Variants in MEIKIN observed in about 807,000 individuals in gnomAD.
MEIKIN encodes the protein meiosis-specific kinetochore protein.
At chr5:131,893,733 C>T (rs1750981534) in intron 8 of MEIKIN, among the ~76,000 whole-genome samples, 1 of 152,122 alleles carries the variant, frequency 6.6e-6, no homozygotes, top group Admixed American at 6.5e-5. Flanking sequence ...ATCTTGGGTC[C>T]ACTCCATAAA....
intron 11 of MEIKIN, among the ~76,000 whole-genome samples, chr5:131,848,813 T>A (rs1284501839): frequency 1.3e-5 from 2 of 152,158 alleles, no homozygotes; most frequent in Non-Finnish European, 2.9e-5. Context: ...ATTAAAATTA[T>A]TATAGGCCAC....
At chr5:131,863,470 C>T (rs950229622) in intron 9 of MEIKIN, among the ~76,000 whole-genome samples, 2 of 150,704 alleles carry the variant, frequency 1.3e-5, no homozygotes, top group Non-Finnish European at 2.9e-5. Context: ...CATCTGAGTG[C>T]AGCATTGTTG....
At chr5:131,845,627 G>T (rs1750006005) in intron 11 of MEIKIN, among the ~76,000 whole-genome samples, 1 of 147,838 alleles carries the variant, frequency 6.8e-6, no homozygotes, top group African/African-American at 2.5e-5. Context: ...AAAAAATCTA[G>T]AGCTTAAAAG....
chr5:131,837,896 T>C (rs1282152096), intron 11 of MEIKIN, among the ~76,000 whole-genome samples: 1 of 152,158 alleles, frequency 6.6e-6, no homozygotes, highest in East Asian at 1.9e-4. Context: ...AATACTATAC[T>C]AAAGAGGAAT....
At chr5:131,897,872 G>T (rs1751080930) in intron 8 of MEIKIN, among the ~76,000 whole-genome samples, 1 of 152,116 alleles carries the variant, frequency 6.6e-6, no homozygotes, top group African/African-American at 2.4e-5. Flanking sequence ...AGAGAAGTTT[G>T]TTATTACCAA....
rs1751422948 is a variant in MEIKIN at position 131,916,923 on chromosome 5, T to C, written c.601A>G (p.Thr201Ala). 1 of 397,360 alleles carries C rather than the reference T, an allele frequency of 2.5e-6. No individual in the cohort carries two copies. Among genetic ancestry groups the C allele is most frequent in the African/African-American group, 2.1e-5 (1 of 48,590 alleles). The allele number at this position is 397,360 out of a possible 1,614,324, so 24.6% of individuals were successfully genotyped here. A position where few individuals can be genotyped will look rare whatever the true frequency, so the allele number is the denominator to read the frequency against. ...CATTTCTGATAGTCTTCTGAAGAGG[T>C]ACCTAGGAGAGAAAATAAAAACAAT... is the stretch of plus-strand genomic sequence containing the variant. ...QFSNVSAIFS[T>A]SSEDYQKCHR... is the part of the protein sequence containing the mutation. Residue 201 changes from threonine (T) to alanine (A), a missense_variant and splice_region_variant, in exon 7 of 13, where the codon ACC becomes GCC. By Grantham distance (58) the Thr-to-Ala change is moderately conservative (BLOSUM62 0). Coordinates refer to ENST00000442687, the MANE Select transcript of MEIKIN (RefSeq NM_001303622.2).
intron 4 of MEIKIN, among the ~76,000 whole-genome samples, chr5:131,936,791 G>A (rs779511606): frequency 2.0e-5 from 3 of 151,742 alleles, no homozygotes; most frequent in Non-Finnish European, 2.9e-5. Flanking sequence ...AGATGGTCTC[G>A]AACTCCTGAC....
intron 11 of MEIKIN, among the ~76,000 whole-genome samples, chr5:131,832,415 T>A (rs1364443299): frequency 6.6e-6 from 1 of 152,136 alleles, no homozygotes; most frequent in Non-Finnish European, 1.5e-5. Flanking sequence ...CTTTGCAGGG[T>A]ACAACCTCCC....
chr5:131,867,843 C>T (rs1219845211), intron 9 of MEIKIN, among the ~76,000 whole-genome samples: 1 of 152,198 alleles, frequency 6.6e-6, no homozygotes, highest in Non-Finnish European at 1.5e-5. Flanking sequence ...CGTTCAGGTG[C>T]ATACTTTGTG....
chr5:131,874,961 T>G (rs1334742786), intron 9 of MEIKIN, among the ~76,000 whole-genome samples: 1 of 152,186 alleles, frequency 6.6e-6, no homozygotes, highest in African/African-American at 2.4e-5. Flanking sequence ...TGCTAAAAAC[T>G]CTCAATAAAT....
intron 12 of MEIKIN, among the ~76,000 whole-genome samples, chr5:131,812,360 G>C (rs1772974269): frequency 6.6e-6 from 1 of 152,160 alleles, no homozygotes; most frequent in Admixed American, 6.5e-5. Flanking sequence ...GAACACTGAT[G>C]CTATTAATAT....
intron 10 of MEIKIN, among the ~76,000 whole-genome samples, chr5:131,852,499 C>G (rs777822360): frequency 2.0e-5 from 3 of 152,154 alleles, no homozygotes; most frequent in Non-Finnish European, 4.4e-5. Flanking sequence ...GAATGCAGTA[C>G]TGATACCTGC....
intron 5 of MEIKIN, among the ~76,000 whole-genome samples, chr5:131,930,737 T>C (rs992902726): frequency 6.6e-6 from 1 of 152,166 alleles, no homozygotes; most frequent in Non-Finnish European, 1.5e-5. Flanking sequence ...CAAGTGATCC[T>C]CCCACCTCAG....
chr5:131,824,286 G>C (rs1217228743), intron 11 of MEIKIN, among the ~76,000 whole-genome samples: 1 of 152,052 alleles, frequency 6.6e-6, no homozygotes, highest in Non-Finnish European at 1.5e-5. Flanking sequence ...AGGCCAAAGT[G>C]GGAGGATCAC....
chr5:131,934,655 T>A lies in MEIKIN; in HGVS notation c.350-1014A>T, dbSNP rs142581600. Among the ~76,000 whole-genome samples the A allele has an allele frequency of 2.2e-4, 34 of 152,334 alleles. No individual in the cohort carries two copies. The East Asian group carries it at 5.8e-3, about 26-fold the overall frequency. ...AATGGAGAAAACTGTAACACCGAGT[T>A]ATGCAAAGAATTTTTTTATATAACA... On this transcript the variant is annotated intron_variant, in intron 4 of 12. Coordinates refer to ENST00000442687, the MANE Select transcript of MEIKIN (RefSeq NM_001303622.2).
intron 11 of MEIKIN, among the ~76,000 whole-genome samples, chr5:131,822,813 C>A (rs963577655): frequency 6.6e-6 from 1 of 152,054 alleles, no homozygotes; most frequent in Admixed American, 6.6e-5. Context: ...TTATTAACAT[C>A]CTTTTCTTTC....
At chr5:131,886,959 C>A (rs531864620) in intron 8 of MEIKIN, among the ~76,000 whole-genome samples, 3 of 116,486 alleles carry the variant, frequency 2.6e-5, no homozygotes, top group South Asian at 3.8e-4. Context: ...CCCCTCCCCC[C>A]ACCCTAATGC....
intron 5 of MEIKIN, among the ~76,000 whole-genome samples, chr5:131,924,792 T>C: frequency 6.6e-6 from 1 of 152,220 alleles, no homozygotes; most frequent in Non-Finnish European, 1.5e-5. Flanking sequence ...GTTATCTCTT[T>C]ACTCTGTTGA....
intron 7 of MEIKIN, among the ~76,000 whole-genome samples, chr5:131,916,038 T>G (rs181630515): frequency 6.6e-6 from 1 of 152,190 alleles, no homozygotes; most frequent in Non-Finnish European, 1.5e-5. Context: ...AAGTCAAAGT[T>G]GTAGGGGTTT....
Sources: allele counts gnomAD v4.1 joint callset (sites outside exome capture counted in the v4.1 genomes callset), GRCh38; gene constraint gnomAD v4.1.1; transcripts MANE v1.5; gene names NCBI Gene and HGNC (gene_info 2026-07-23, HGNC 2026-07-21).